DNAJC6: variants seen among roughly 807,000 people sequenced by gnomAD.
DNAJC6 encodes auxilin.
In DNAJC6, 34 loss-of-function variants were observed where a neutral mutation model predicts 110.0. The ratio of observed to expected loss-of-function variants is 0.31; its 90% CI spans 0.24 to 0.41. DNAJC6 has a LOEUF of 0.41. DNAJC6 is among the 10% of genes least tolerant of loss of function. The probability of loss-of-function intolerance (pLI) is 1.00; values close to 1 mark genes in which losing one functional copy is unlikely to be tolerated. For synonymous variants in DNAJC6, 406 were observed against 437.2 expected (o/e 0.93, Z 0.89); for missense variants, 1,031 against 1,207.8 (o/e 0.85, Z 2.17).
intron 4 of DNAJC6, among the ~76,000 whole-genome samples, chr1:65,368,599 CTT>C: frequency 6.8e-6 from 1 of 146,092 alleles, no homozygotes; most frequent in African/African-American, 2.7e-5. Context: ...TCTTCTTCTT[CTT>C]CTTCTCCTCC....
intron 4 of DNAJC6, among the ~76,000 whole-genome samples, chr1:65,366,792 C>T (rs1402065939): frequency 1.3e-5 from 2 of 152,108 alleles, no homozygotes; most frequent in Non-Finnish European, 2.9e-5. Context: ...TCAAGAACAT[C>T]TCTAAATATT....
At chr1:65,409,918 C>T (rs1646112787) in intron 17 of DNAJC6, among the ~76,000 whole-genome samples, 2 of 152,058 alleles carry the variant, frequency 1.3e-5, no homozygotes, top group South Asian at 4.2e-4. Context: ...TTCAGCGAAT[C>T]TAACCCCTTT....
chr1:65,310,067 G>C lies in DNAJC6; in HGVS notation c.193+129G>C, dbSNP rs1044843172. The C allele has an allele frequency of 4.6e-6, 5 of 1,088,738 alleles. No homozygotes were observed. In the African/African-American group the frequency reaches 6.7e-5, roughly 15 times the overall value. 67.4% of individuals were successfully genotyped at this position (1,088,738 alleles called of 1,614,324 possible). A position where few individuals can be genotyped will look rare whatever the true frequency, so the allele number is the denominator to read the frequency against. The stretch of plus-strand genomic sequence containing the variant: ...CGAGAGAGCCGGGCTGGAGGCGAAG[G>C]CTTCTAATACCACCTGGGTGTCGAG... On this transcript the variant is annotated intron_variant, in intron 1 of 18. Coordinates refer to ENST00000371069, the MANE Select transcript of DNAJC6 (RefSeq NM_001256864.2).
intron 1 of DNAJC6, among the ~76,000 whole-genome samples, chr1:65,326,086 A>G (rs1645239034): frequency 7.2e-5 from 11 of 152,230 alleles, no homozygotes. Context: ...ATATGAGAAC[A>G]GCAGCTCTTG....
intron 17 of DNAJC6, among the ~76,000 whole-genome samples, chr1:65,410,549 T>C (rs1381814564): frequency 6.6e-6 from 1 of 152,224 alleles, no homozygotes; most frequent in African/African-American, 2.4e-5. Flanking sequence ...GTAGCTGTCA[T>C]TAATGTGACT....
At chr1:65,291,909 C>G (rs1644879225) in intron 1 of DNAJC6, among the ~76,000 whole-genome samples, 1 of 152,140 alleles carries the variant, frequency 6.6e-6, no homozygotes, top group Non-Finnish European at 1.5e-5. Context: ...TTCTTTCGTT[C>G]CTACTTTCCT....
At chr1:65,322,674 T>A (rs1049322885) in intron 1 of DNAJC6, among the ~76,000 whole-genome samples, 4 of 152,204 alleles carry the variant, frequency 2.6e-5, no homozygotes, top group African/African-American at 9.6e-5. Context: ...TTATGATAGA[T>A]CCTGCATTGT....
At chr1:65,348,905 CTA>C (rs1204237602) in intron 1 of DNAJC6, among the ~76,000 whole-genome samples, 2 of 146,322 alleles carry the variant, frequency 1.4e-5, no homozygotes, top group African/African-American at 5.0e-5. Flanking sequence ...GGCTTTTTGG[CTA>C]TATATATGTG....
At chr1:65,399,273 T>C (rs896071007) in intron 14 of DNAJC6, among the ~76,000 whole-genome samples, 29 of 152,226 alleles carry the variant, frequency 1.9e-4, no homozygotes, top group African/African-American at 6.8e-4. Context: ...AAAAAACTTA[T>C]ATAAGAATTT....
Position 65,336,908 on chromosome 1 carries a change from T to G in DNAJC6, c.193+26970T>G, listed in dbSNP as rs113679277. ...AATCTTATTTTTGCCTTTTTATAGT[T>G]TGTTTGAACCAGGATCCAAATAATG... On this transcript the variant is annotated intron_variant, in intron 1 of 18. Coordinates refer to ENST00000371069, the MANE Select transcript of DNAJC6 (RefSeq NM_001256864.2). 2.3e-3 allele frequency among the ~76,000 whole-genome samples: 345 copies of G among 152,282 alleles called. 2 individuals carry two copies. The highest frequency in any genetic ancestry group is 8.1e-3 in the African/African-American group (336 of 41,564).
chr1:65,408,492 C>A, intron 16 of DNAJC6, 149 bp from the exon 17 acceptor site: 1 of 831,208 alleles, frequency 1.2e-6, no homozygotes, highest in Non-Finnish European at 1.9e-6. Context: ...GCAACAGTCT[C>A]TTACCCTACT....
intron 1 of DNAJC6, among the ~76,000 whole-genome samples, chr1:65,275,059 T>C (rs1653625068): frequency 6.6e-6 from 1 of 152,218 alleles, no homozygotes; most frequent in Non-Finnish European, 1.5e-5. Flanking sequence ...TGTATTATTA[T>C]TGTATTTTGT....
intron 4 of DNAJC6, among the ~76,000 whole-genome samples, chr1:65,377,383 C>T (rs190193335): frequency 1.1e-4 from 16 of 152,220 alleles, no homozygotes; most frequent in East Asian, 1.9e-4. Flanking sequence ...AAAACAAACA[C>T]GTCAATGGGG....
chr1:65,314,252 G>C (rs1325710603), intron 1 of DNAJC6, among the ~76,000 whole-genome samples: 1 of 151,602 alleles, frequency 6.6e-6, no homozygotes, highest in African/African-American at 2.4e-5. Context: ...ATACCATGTA[G>C]TGTGAGTCTG....
chr1:65,294,885 A>T (rs1402704296), intron 1 of DNAJC6, among the ~76,000 whole-genome samples: 1 of 152,214 alleles, frequency 6.6e-6, no homozygotes, highest in East Asian at 1.9e-4. Context: ...AGTTATAGCC[A>T]GAAAAAAAGT....
At chr1:65,277,858 C>T (rs1369292663) in intron 1 of DNAJC6, among the ~76,000 whole-genome samples, 1 of 152,128 alleles carries the variant, frequency 6.6e-6, no homozygotes, top group African/African-American at 2.4e-5. Context: ...GTCGAAGAGA[C>T]GTCTGGCTCT....
intron 14 of DNAJC6, among the ~76,000 whole-genome samples, chr1:65,399,890 T>A (rs950046400): frequency 5.9e-5 from 9 of 152,066 alleles, no homozygotes; most frequent in African/African-American, 2.2e-4. Context: ...AATTTAAAAA[T>A]TTTTTTTGGC....
chr1:65,401,627 G>C, intron 14 of DNAJC6, 134 bp from the exon 15 acceptor site: 1 of 1,259,230 alleles, frequency 7.9e-7, no homozygotes, highest in South Asian at 1.6e-5. Context: ...ACAGGGTCTA[G>C]CAACTTCTTA....
intron 1 of DNAJC6, among the ~76,000 whole-genome samples, chr1:65,286,987 G>A (rs1369359522): frequency 1.3e-5 from 2 of 152,142 alleles, no homozygotes; most frequent in African/African-American, 4.8e-5. Flanking sequence ...TGCCTCTCTA[G>A]ATAAAAGCAG....
Sources: gnomAD v4.1 joint callset for allele counts (sites outside exome capture counted in the v4.1 genomes callset) on GRCh38, gnomAD v4.1.1 for gene constraint, MANE v1.5 for transcripts, NCBI Gene and HGNC (gene_info 2026-07-23, HGNC 2026-07-21) for gene names.